RANBP2: variants seen among roughly 807,000 people sequenced by gnomAD.
RANBP2 encodes the protein RAN binding protein 2, also known as E3 SUMO-protein ligase RanBP2.
In RANBP2, 57 loss-of-function variants were observed where a neutral mutation model predicts 303.6. The observed-to-expected ratio is 0.19, with a 90% CI of 0.15 to 0.23. The LOEUF (loss-of-function observed/expected upper bound fraction) is 0.23. Ranked by LOEUF, RANBP2 falls within the 10% of genes least tolerant of loss-of-function variation. The pLI, the probability that RANBP2 is intolerant of heterozygous loss-of-function variation, is 1.00. For missense variants in RANBP2, 3,138 were observed against 3,780.8 expected, an observed-to-expected ratio of 0.83 and a Z score of 4.46; for synonymous variants, 1,167 against 1,301.5, an observed-to-expected ratio of 0.90 and a Z score of 2.23.
At chr2:109,258,721 T>G in the RANBP2 span, among the ~76,000 whole-genome samples, 1 of 152,356 alleles carries the variant, frequency 6.6e-6, no homozygotes. Flanking sequence ...AGTTCTGGTT[T>G]GTTATTCAGA....
chr2:109,623,034 GA>G, the RANBP2 span, among the ~76,000 whole-genome samples: 3 of 152,310 alleles, frequency 2.0e-5, no homozygotes, highest in Admixed American at 1.3e-4. Context: ...GGCTGAGAAA[GA>G]AGAATCACTT....
chr2:109,415,870 T>C, the RANBP2 span, among the ~76,000 whole-genome samples: 2 of 152,268 alleles, frequency 1.3e-5, no homozygotes, highest in East Asian at 3.9e-4. Flanking sequence ...GGCGCAGCAC[T>C]GAGAGGTGGG....
the RANBP2 span, among the ~76,000 whole-genome samples, chr2:109,362,541 T>C: frequency 6.6e-6 from 1 of 152,164 alleles, no homozygotes; most frequent in South Asian, 2.1e-4. Context: ...TAATCTGCTG[T>C]TGTTGGTTGA....
the RANBP2 span, among the ~76,000 whole-genome samples, chr2:109,700,714 C>T: frequency 3.9e-5 from 6 of 152,172 alleles, no homozygotes; most frequent in African/African-American, 1.2e-4. Context: ...AATGTGAATA[C>T]TTGGCAGTCT....
At chr2:108,900,979 T>C in the RANBP2 span, among the ~76,000 whole-genome samples, 2 of 152,078 alleles carry the variant, frequency 1.3e-5, no homozygotes, top group African/African-American at 4.8e-5. Flanking sequence ...CAGTAAATGA[T>C]AGAACAATTA....
At chr2:109,477,483 C>G in the RANBP2 span, among the ~76,000 whole-genome samples, 2 of 152,230 alleles carry the variant, frequency 1.3e-5, no homozygotes, top group Non-Finnish European at 2.9e-5. Context: ...CTGAGAGGCC[C>G]CCTCCCGCCA....
chr2:109,478,681 T>A, the RANBP2 span, among the ~76,000 whole-genome samples: 1 of 152,146 alleles, frequency 6.6e-6, no homozygotes, highest in African/African-American at 2.4e-5. Context: ...AAAAATACGG[T>A]GTGGTGGGGA....
the RANBP2 span, among the ~76,000 whole-genome samples, chr2:108,898,256 A>G: frequency 1.3e-5 from 2 of 152,186 alleles, no homozygotes; most frequent in African/African-American, 4.8e-5. Context: ...AAGGCCATGT[A>G]GGGAGCTGGG....
At chr2:109,453,996 A>C in the RANBP2 span, among the ~76,000 whole-genome samples, 1 of 152,228 alleles carries the variant, frequency 6.6e-6, no homozygotes, top group African/African-American at 2.4e-5. Flanking sequence ...AAATCTGCAG[A>C]TGCTGGGCAG....
chr2:108,926,124 T>C, the RANBP2 span, among the ~76,000 whole-genome samples: 5 of 152,212 alleles, frequency 3.3e-5, no homozygotes, highest in Non-Finnish European at 5.9e-5. Context: ...TCTCTCATCC[T>C]GGGCTGCACA....
the RANBP2 span, among the ~76,000 whole-genome samples, chr2:109,735,213 A>G: frequency 6.6e-6 from 1 of 151,982 alleles, no homozygotes; most frequent in Non-Finnish European, 1.5e-5. Flanking sequence ...CTTTACTTCT[A>G]TGAGCTCAAC....
the RANBP2 span, among the ~76,000 whole-genome samples, chr2:109,354,603 C>T: frequency 2.6e-5 from 4 of 152,228 alleles, no homozygotes; most frequent in Non-Finnish European, 5.9e-5. Context: ...TGCTGAGCTC[C>T]CAAATGCCTG....
the RANBP2 span, chr2:109,371,468 C>G: frequency 2.6e-3 from 1,933 of 756,420 alleles, 5 homozygotes; most frequent in Admixed American, 3.7e-3. Flanking sequence ...ATGCACTCTT[C>G]TTGAACTCAT....
At chr2:109,138,945 A>G in the RANBP2 span, among the ~76,000 whole-genome samples, 1 of 152,242 alleles carries the variant, frequency 6.6e-6, no homozygotes, top group African/African-American at 2.4e-5. Flanking sequence ...CTGTAAACAA[A>G]TAGCCAATAG....
the RANBP2 span, among the ~76,000 whole-genome samples, chr2:109,530,230 G>A: frequency 6.6e-6 from 1 of 152,178 alleles, no homozygotes; most frequent in South Asian, 2.1e-4. Context: ...CATGGCCCAG[G>A]GAGGCGAGCT....
At chr2:108,863,295 A>G in the RANBP2 span, among the ~76,000 whole-genome samples, 9,396 of 152,312 alleles carry the variant, frequency 0.062, 356 homozygotes, top group South Asian at 0.15. Context: ...CATACATATC[A>G]TCTGTTTTCT....
chr2:109,376,169 A>T, the RANBP2 span, among the ~76,000 whole-genome samples: 2 of 152,252 alleles, frequency 1.3e-5, no homozygotes, highest in African/African-American at 4.8e-5. Context: ...ATTGAAGATC[A>T]CTGTGTCATT....
the RANBP2 span, among the ~76,000 whole-genome samples, chr2:109,370,806 T>C: frequency 2.5e-3 from 375 of 152,316 alleles, 3 homozygotes; most frequent in Middle Eastern, 0.034. Flanking sequence ...CTGTTTCCAC[T>C]TTGTGCATTT....
chr2:109,505,506 CAAATA>C, the RANBP2 span, among the ~76,000 whole-genome samples: 9 of 152,108 alleles, frequency 5.9e-5, no homozygotes, highest in Non-Finnish European at 1.2e-4. Context: ...CTTGTATGAG[CAAATA>C]AAATAATTTT....
Sources: allele counts gnomAD v4.1 joint callset (sites outside exome capture counted in the v4.1 genomes callset), GRCh38; gene constraint gnomAD v4.1.1; transcripts MANE v1.5; gene names NCBI Gene and HGNC (gene_info 2026-07-23, HGNC 2026-07-21).